Variants in ATPAF1 observed in about 807,000 individuals in gnomAD.
ATPAF1 encodes the protein homolog of yeast ATP11.
In ATPAF1, 26 loss-of-function variants were observed where a neutral mutation model predicts 43.9. The observed-to-expected ratio is 0.59, with a 90% confidence interval of 0.43 to 0.82. The LOEUF (loss-of-function observed/expected upper bound fraction) is 0.82. ATPAF1 is among the 40% of genes least tolerant of loss of function. The probability of loss-of-function intolerance (pLI) is 0.00; values close to 1 mark genes in which losing one functional copy is unlikely to be tolerated. For synonymous variants in ATPAF1, 157 were observed against 168.0 expected (o/e 0.93, Z 0.50); for missense variants, 366 against 435.0 (o/e 0.84, Z 1.41).
At chr1:46,654,528 T>TTATTATTATTA (rs1553218333) in intron 4 of ATPAF1, among the ~76,000 whole-genome samples, 1 of 135,282 alleles carries the variant, frequency 7.4e-6, no homozygotes, top group Non-Finnish European at 1.5e-5. Flanking sequence ...TATTTATTTA[T>TTATTATTATTA]TTATTATTAT....
intron 2 of ATPAF1, chr1:46,663,751 A>C: frequency 1.2e-6 from 1 of 830,582 alleles, no homozygotes; most frequent in African/African-American, 1.8e-5. Flanking sequence ...CCAAGGCAAA[A>C]AAAGTATTTT....
intron 2 of ATPAF1, among the ~76,000 whole-genome samples, chr1:46,663,106 A>G (rs1318950176): frequency 6.6e-6 from 1 of 152,228 alleles, no homozygotes; most frequent in Admixed American, 6.5e-5. Flanking sequence ...TACAAAGGAC[A>G]TGAACTCATC....
rs1051658418 is a variant in ATPAF1 at position 46,653,598 on chromosome 1, G to A, written c.540+219C>T. On this transcript the variant is annotated intron_variant, in intron 5 of 8. Transcript: ENST00000574428. The surrounding 1 kb of genome is among the most constrained non-coding windows in gnomAD (Gnocchi z 4.8). ...TCCCTTGTCAGAGACTTGACTCAGA[G>A]ACATTTCTAAAGTAGAAAGGAGGAA... Among the ~76,000 whole-genome samples, 2 of 152,124 alleles carry A rather than the reference G, an allele frequency of 1.3e-5. No homozygotes were observed. Among genetic ancestry groups the A allele is most frequent in the African/African-American group, 4.8e-5 (2 of 41,424 alleles).
chr1:46,654,527 A>ATTT (rs375698724), intron 4 of ATPAF1, among the ~76,000 whole-genome samples: 118 of 85,186 alleles, frequency 1.4e-3, no homozygotes, highest in African/African-American at 4.3e-3. Context: ...TTATTTATTT[A>ATTT]TTTATTATTA....
At position 46,668,121 on chromosome 1, in the gene ATPAF1, C is replaced by T. The variant is rs1254554593; in HGVS notation, c.202G>A (p.Glu68Lys). Residue 68 changes from glutamate to lysine, a missense_variant, in exon 1 of 9, where the codon GAG becomes AAG. Around this residue, in one of 2 missense-constraint regions of ATPAF1, gnomAD observed 186 missense variants for 168.5 expected, o/e 1.10. Coordinates refer to ENST00000574428, the Ensembl canonical transcript of ATPAF1. This position sits in a 1 kb window ranked among gnomAD's most constrained non-coding sequence, Gnocchi z 4.4. ...AAAGGGTTGGCCTGGAGCTCGGCCT[C>T]GGCCCCGACCCCGCTGCTGTCGGCG... 1 of 1,434,420 alleles carries T rather than the reference C, an allele frequency of 7.0e-7. No individual in the cohort carries two copies. The highest frequency in any genetic ancestry group is 1.5e-5 in the African/African-American group (1 of 66,994). 88.9% of individuals were successfully genotyped at this position (1,434,420 alleles called of 1,614,324 possible).
chr1:46,659,396 G>T (rs891461307), intron 2 of ATPAF1, among the ~76,000 whole-genome samples: 28 of 152,068 alleles, frequency 1.8e-4, no homozygotes, highest in Non-Finnish European at 3.8e-4. Flanking sequence ...GGATTACTGT[G>T]CTCTGTCCTG....
chr1:46,651,590 G>A (rs1569615619), intron 6 of ATPAF1, among the ~76,000 whole-genome samples: 1 of 152,004 alleles, frequency 6.6e-6, no homozygotes, highest in East Asian at 1.9e-4. Flanking sequence ...CTTCCACAAT[G>A]GTTGAACTAG....
rs144107091 is a variant in ATPAF1 at position 46,661,159 on chromosome 1, G to A, written c.376-2422C>T. The stretch of plus-strand genomic sequence containing the variant: ...ACAATCTCCGCTCACTGCAACCTCC[G>A]CCTCCCGGGTTCAAGCAATTCTCCT... On this transcript the variant is annotated intron_variant, in intron 2 of 8. Coordinates refer to ENST00000574428, the Ensembl canonical transcript of ATPAF1. 3.0e-3 allele frequency among the ~76,000 whole-genome samples: 447 copies of A among 151,418 alleles called. 4 individuals are homozygous for A. Among genetic ancestry groups the A allele is most frequent in the African/African-American group, 0.011 (434 of 41,278 alleles).
intron 2 of ATPAF1, among the ~76,000 whole-genome samples, chr1:46,659,774 C>A (rs1326037102): frequency 6.6e-6 from 1 of 152,088 alleles, no homozygotes; most frequent in Non-Finnish European, 1.5e-5. Flanking sequence ...TGCATAAAAC[C>A]TTGCCTTTAG....
intron 7 of ATPAF1, among the ~76,000 whole-genome samples, chr1:46,644,241 G>A (rs1675998323): frequency 6.6e-6 from 1 of 152,156 alleles, no homozygotes; most frequent in Non-Finnish European, 1.5e-5. Flanking sequence ...ATCCCATAAT[G>A]ATTAAGTTCA....
At chr1:46,666,177 C>T in intron 1 of ATPAF1, 1 of 197,824 alleles carries the variant, frequency 5.1e-6, no homozygotes, top group Non-Finnish European at 1.1e-5. Context: ...CCCCTTCTTC[C>T]ATAAAATTCC....
At chr1:46,663,189 A>T (rs1375028582) in intron 2 of ATPAF1, among the ~76,000 whole-genome samples, 1 of 152,090 alleles carries the variant, frequency 6.6e-6, no homozygotes, top group Non-Finnish European at 1.5e-5. Flanking sequence ...TCATTGTTGG[A>T]CATTTGGGTT....
chr1:46,635,230 G>C (rs1446702792), exon 9 of ATPAF1: 1 of 153,136 alleles, frequency 6.5e-6, no homozygotes, highest in Non-Finnish European at 1.5e-5. Flanking sequence ...TTACACTAAA[G>C]GCATCTCTGG....
chr1:46,639,128 C>T (rs1381111915), intron 8 of ATPAF1, among the ~76,000 whole-genome samples: 1 of 152,180 alleles, frequency 6.6e-6, no homozygotes, highest in Non-Finnish European at 1.5e-5. Context: ...TAAAATCCAT[C>T]TCTTTATGGG....
At chr1:46,661,566 T>C (rs993216905) in intron 2 of ATPAF1, among the ~76,000 whole-genome samples, 25 of 152,222 alleles carry the variant, frequency 1.6e-4, no homozygotes, top group African/African-American at 6.0e-4. Flanking sequence ...CTTTATATTA[T>C]GGTTAGGGCA....
chr1:46,638,942 A>G (rs1254121882), intron 8 of ATPAF1, among the ~76,000 whole-genome samples: 1 of 152,146 alleles, frequency 6.6e-6, no homozygotes, highest in Non-Finnish European at 1.5e-5. Flanking sequence ...TATTCCCTAC[A>G]TATTCCTGGG....
chr1:46,668,240 G>A lies in ATPAF1; in HGVS notation c.83C>T (p.Ala28Val). 3 of 1,371,306 alleles carry A rather than the reference G, an allele frequency of 2.2e-6. No individual in the cohort carries two copies. The highest frequency in any genetic ancestry group is 2.8e-6 in the Non-Finnish European group (3 of 1,060,604). The allele number at this position is 1,371,306 out of a possible 1,614,324, so 84.9% of individuals were successfully genotyped here. A position where few individuals can be genotyped will look rare whatever the true frequency, so the allele number is the denominator to read the frequency against. The change falls in exon 1 of 9, where the codon GCG (alanine) becomes GTG (valine). Residue 28 changes from alanine to valine, a missense_variant. Coordinates refer to ENST00000574428, the Ensembl canonical transcript of ATPAF1. This position sits in a 1 kb window ranked among gnomAD's most constrained non-coding sequence, Gnocchi z 4.4. ...CAGGCCCAGGGCGCGGCTGCGCACC[G>A]CGCACAGGCCCCGGTAGAGACCGGC...
intron 2 of ATPAF1, among the ~76,000 whole-genome samples, chr1:46,660,197 T>C (rs528217428): frequency 5.3e-5 from 8 of 152,246 alleles, no homozygotes; most frequent in African/African-American, 1.9e-4. Flanking sequence ...AGGCTGGTCT[T>C]GACTTCTGGC....
At chr1:46,652,487 CAT>C (rs1287481355) in intron 6 of ATPAF1, 92 bp downstream of exon 6, 5 of 1,258,100 alleles carry the variant, frequency 4.0e-6, no homozygotes. Context: ...AGCACTATAA[CAT>C]GTGAGACAGT....
Sources: gnomAD v4.1 joint callset for allele counts (sites outside exome capture counted in the v4.1 genomes callset) on GRCh38, gnomAD v4.1.1 for gene constraint, gnomAD v4.1.1 regional missense constraint, Gnocchi (gnomAD v3.1) non-coding constraint, MANE v1.5 for transcripts, NCBI Gene and HGNC (gene_info 2026-07-23, HGNC 2026-07-21) for gene names.